FMN2: variants seen among roughly 807,000 people sequenced by gnomAD.
FMN2 encodes formin-2.
FMN2 carries 51 observed loss-of-function variants against 142.3 expected under a neutral mutation model. That is an observed-to-expected ratio of 0.36 (90% CI 0.29 to 0.45). The LOEUF (loss-of-function observed/expected upper bound fraction) is 0.45, where lower values mean the gene tolerates loss of function less well. Ranked by LOEUF, FMN2 falls within the 20% of genes least tolerant of loss-of-function variation. FMN2 has a pLI of 1.00. For synonymous variants in FMN2, 882 were observed against 869.8 expected (o/e 1.01, Z -0.25); for missense variants, 1,936 against 2,122.8 (o/e 0.91, Z 1.73).
intron 14 of FMN2, among the ~76,000 whole-genome samples, chr1:240,388,633 A>C (rs1218298320): frequency 1.3e-5 from 2 of 152,064 alleles, no homozygotes; most frequent in Non-Finnish European, 2.9e-5. Flanking sequence ...AGGCTGAGGC[A>C]GGTGGATCAC....
intron 16 of FMN2, among the ~76,000 whole-genome samples, chr1:240,443,042 T>C (rs530193605): frequency 6.6e-6 from 1 of 152,336 alleles, no homozygotes; most frequent in East Asian, 1.9e-4. Flanking sequence ...TTCCATCATT[T>C]AATAAAAATG....
chr1:240,098,843 T>C (rs182530364), intron 1 of FMN2, among the ~76,000 whole-genome samples: 1 of 152,292 alleles, frequency 6.6e-6, no homozygotes, highest in Non-Finnish European at 1.5e-5. Flanking sequence ...TTTAAGAGCT[T>C]TAGGCGTTTG....
At chr1:240,138,884 T>TA (rs1483088267) in intron 2 of FMN2, among the ~76,000 whole-genome samples, 1 of 152,174 alleles carries the variant, frequency 6.6e-6, no homozygotes, top group Non-Finnish European at 1.5e-5. Context: ...TAATCTTACT[T>TA]ATATTTGGGA....
At chr1:240,348,001 G>T (rs573174825) in intron 13 of FMN2, among the ~76,000 whole-genome samples, 2 of 152,230 alleles carry the variant, frequency 1.3e-5, no homozygotes, top group East Asian at 3.9e-4. Flanking sequence ...GCACAACAAT[G>T]AACATACAAA....
chr1:240,151,144 A>G (rs918712522), intron 2 of FMN2, among the ~76,000 whole-genome samples: 1 of 152,158 alleles, frequency 6.6e-6, no homozygotes, highest in Non-Finnish European at 1.5e-5. Flanking sequence ...ACTTTATTCT[A>G]TTGAAGTATA....
At chr1:240,199,559 T>C (rs762139855) in intron 4 of FMN2, among the ~76,000 whole-genome samples, 6 of 152,202 alleles carry the variant, frequency 3.9e-5, no homozygotes, top group Non-Finnish European at 7.3e-5. Context: ...TAATGGAAAC[T>C]TGTATTATGT....
rs1278257077 is a variant in FMN2 at position 240,091,921 on chromosome 1, C to G, written c.-189C>G. 2 of 1,005,822 alleles carry G rather than the reference C, an allele frequency of 2.0e-6. No homozygotes were observed. The highest frequency in any genetic ancestry group is 2.6e-5 in the South Asian group (1 of 39,100). 62.3% of individuals were successfully genotyped at this position (1,005,822 alleles called of 1,614,324 possible). A position where few individuals can be genotyped will look rare whatever the true frequency, so the allele number is the denominator to read the frequency against. On this transcript the variant is annotated 5_prime_UTR_variant, in exon 1 of 18. Coordinates refer to ENST00000319653, the MANE Select transcript of FMN2 (RefSeq NM_020066.5). ...CAGCGACGGCAGCCACGGGAGCCGC[C>G]GCGCATTATGCAAAGCGGCGGCAGA...
intron 2 of FMN2, among the ~76,000 whole-genome samples, chr1:240,161,251 G>A (rs1170576474): frequency 6.6e-6 from 1 of 152,084 alleles, no homozygotes; most frequent in African/African-American, 2.4e-5. Flanking sequence ...TGTTGGAAGG[G>A]CCTAGAATAA....
At position 240,207,637 on chromosome 1, in the gene FMN2, TACCTCCTCCGCCCCCTCTA is replaced by T. The variant is rs764813591; in HGVS notation, c.2826_2844del (p.Pro944GlufsTer325). ...CTGCCCCCTCTACCCGGAGCGGGAA[TACCTCCTCCGCCCCCTCTA>T]CCCGGAGCGGCAATACCCCCTCCGC... On this transcript the variant is annotated frameshift_variant, in exon 5 of 18. Coordinates refer to ENST00000319653, the MANE Select transcript of FMN2 (RefSeq NM_020066.5). LOFTEE classifies it high-confidence loss of function. The T allele has an allele frequency of 4.4e-6, 5 of 1,127,720 alleles. No homozygotes were observed. Among genetic ancestry groups the T allele is most frequent in the Non-Finnish European group, 5.8e-6 (5 of 867,940 alleles). 69.9% of individuals were successfully genotyped at this position (1,127,720 alleles called of 1,614,324 possible).
chr1:240,401,597 C>A (rs2103111454), intron 15 of FMN2, among the ~76,000 whole-genome samples: 1 of 152,298 alleles, frequency 6.6e-6, no homozygotes, highest in South Asian at 2.1e-4. Flanking sequence ...AAATTGGTGA[C>A]AAATTTTTGT....
intron 8 of FMN2, among the ~76,000 whole-genome samples, chr1:240,316,252 G>A (rs1036588719): frequency 4.4e-4 from 67 of 152,208 alleles, no homozygotes; most frequent in African/African-American, 1.6e-3. Flanking sequence ...ACAAGGACTT[G>A]ATCTTCGGGG....
chr1:240,240,326 T>G (rs1667851199), intron 6 of FMN2, among the ~76,000 whole-genome samples: 1 of 152,206 alleles, frequency 6.6e-6, no homozygotes, highest in Non-Finnish European at 1.5e-5. Flanking sequence ...CCTGTTTCAC[T>G]GGATTTTGGC....
intron 7 of FMN2, among the ~76,000 whole-genome samples, chr1:240,283,354 G>A (rs2102941739): frequency 6.6e-6 from 1 of 152,220 alleles, no homozygotes; most frequent in African/African-American, 2.4e-5. Context: ...ACTATTTAGA[G>A]GCTCATGCTT....
chr1:240,158,649 T>C (rs1664135204), intron 2 of FMN2, among the ~76,000 whole-genome samples: 1 of 152,160 alleles, frequency 6.6e-6, no homozygotes, highest in African/African-American at 2.4e-5. Flanking sequence ...TCTCCCAAGC[T>C]ACTACTTAGT....
intron 2 of FMN2, among the ~76,000 whole-genome samples, chr1:240,161,928 C>A (rs902878211): frequency 2.0e-5 from 3 of 151,936 alleles, no homozygotes; most frequent in Non-Finnish European, 4.4e-5. Flanking sequence ...TTAAACAGGA[C>A]AATACCCTGG....
intron 6 of FMN2, among the ~76,000 whole-genome samples, chr1:240,256,410 G>A (rs1465961906): frequency 6.6e-6 from 1 of 151,926 alleles, no homozygotes; most frequent in African/African-American, 2.4e-5. Context: ...CGCCTTTTGG[G>A]AGATATCGTG....
chr1:240,459,971 C>A (rs1461829846), intron 16 of FMN2, among the ~76,000 whole-genome samples: 3 of 152,088 alleles, frequency 2.0e-5, no homozygotes, highest in East Asian at 3.9e-4. Flanking sequence ...ATGTCTGTGT[C>A]TTCTACATTT....
intron 8 of FMN2, among the ~76,000 whole-genome samples, chr1:240,300,644 T>C (rs1670166101): frequency 6.6e-6 from 1 of 152,196 alleles, no homozygotes; most frequent in Non-Finnish European, 1.5e-5. Flanking sequence ...ATATATAACT[T>C]ACCTTCTTTT....
chr1:240,391,175 T>C (rs190839898), intron 14 of FMN2, among the ~76,000 whole-genome samples: 139 of 152,180 alleles, frequency 9.1e-4, no homozygotes, highest in African/African-American at 3.2e-3. Flanking sequence ...CAATCTGACA[T>C]ACAAAAAGGG....
Sources: gnomAD v4.1 joint callset for allele counts (sites outside exome capture counted in the v4.1 genomes callset) on GRCh38, gnomAD v4.1.1 for gene constraint, MANE v1.5 for transcripts, NCBI Gene and HGNC (gene_info 2026-07-23, HGNC 2026-07-21) for gene names.